The following PLD5 variants were observed in gnomAD, a reference collection of about 807,000 sequenced individuals.
PLD5 encodes phospholipase D family member 5.
Under a neutral mutation model 61.1 loss-of-function variants are expected in PLD5, and 36 were observed. The observed-to-expected ratio is 0.59, with a 90% CI of 0.45 to 0.78. PLD5 has a LOEUF of 0.78. PLD5 is among the 30% of genes least tolerant of loss of function. PLD5 has a pLI of 0.00. For missense variants in PLD5, 515 were observed against 644.4 expected, an observed-to-expected ratio of 0.80 and a Z score of 2.17; for synonymous variants, 243 against 242.8, an observed-to-expected ratio of 1.00 and a Z score of -0.01.
intron 5 of PLD5, among the ~76,000 whole-genome samples, chr1:242,193,934 A>G (rs539738913): frequency 3.3e-5 from 5 of 152,314 alleles, no homozygotes; most frequent in East Asian, 3.9e-4. Context: ...CTGTAAAACT[A>G]TTTCACCTAC....
At chr1:242,213,535 G>C (rs2148990223) in intron 5 of PLD5, among the ~76,000 whole-genome samples, 1 of 152,054 alleles carries the variant, frequency 6.6e-6, no homozygotes, top group East Asian at 1.9e-4. Context: ...GACCTCAAAA[G>C]GTTAAATACT....
chr1:242,162,222 G>A (rs1192740315), intron 5 of PLD5, among the ~76,000 whole-genome samples: 1 of 152,102 alleles, frequency 6.6e-6, no homozygotes, highest in Non-Finnish European at 1.5e-5. Flanking sequence ...CAGGAACACT[G>A]GAAGCAGGAA....
intron 5 of PLD5, among the ~76,000 whole-genome samples, chr1:242,213,101 G>C (rs1213184701): frequency 9.2e-5 from 14 of 152,098 alleles, no homozygotes. Flanking sequence ...CCTTCAGCAG[G>C]GGCTCCCTTC....
At chr1:242,330,733 T>C (rs1406150097) in intron 2 of PLD5, among the ~76,000 whole-genome samples, 1 of 152,226 alleles carries the variant, frequency 6.6e-6, no homozygotes, top group Non-Finnish European at 1.5e-5. Context: ...CTAAACATTC[T>C]GTGGCTATAC....
intron 5 of PLD5, among the ~76,000 whole-genome samples, chr1:242,204,454 C>T (rs1032338515): frequency 6.6e-6 from 1 of 152,070 alleles, no homozygotes; most frequent in Non-Finnish European, 1.5e-5. Context: ...GCGTTGCTGC[C>T]CACCTTGCTG....
At chr1:242,517,180 TTTTCA>T (rs1178507039) in intron 1 of PLD5, among the ~76,000 whole-genome samples, 6 of 152,192 alleles carry the variant, frequency 3.9e-5, no homozygotes, top group Non-Finnish European at 8.8e-5. Flanking sequence ...AATTCTTATA[TTTTCA>T]TTTCTTTTTC....
At chr1:242,386,866 T>G (rs1662631807) in intron 1 of PLD5, among the ~76,000 whole-genome samples, 1 of 152,192 alleles carries the variant, frequency 6.6e-6, no homozygotes, top group African/African-American at 2.4e-5. Context: ...GTCCCTATTT[T>G]TAGGGGAAGT....
At chr1:242,423,036 C>A (rs769539353) in intron 1 of PLD5, among the ~76,000 whole-genome samples, 8 of 151,264 alleles carry the variant, frequency 5.3e-5, no homozygotes, top group Non-Finnish European at 1.2e-4. Flanking sequence ...TTTTTAGTAG[C>A]GACAAAGTCT....
At chr1:242,176,702 T>G (rs1328707139) in intron 5 of PLD5, among the ~76,000 whole-genome samples, 1 of 152,122 alleles carries the variant, frequency 6.6e-6, no homozygotes, top group African/African-American at 2.4e-5. Flanking sequence ...AGGGCTAATA[T>G]CCAGCATCTA....
At chr1:242,503,318 T>C (rs1668617565) in intron 1 of PLD5, among the ~76,000 whole-genome samples, 1 of 152,158 alleles carries the variant, frequency 6.6e-6, no homozygotes, top group Non-Finnish European at 1.5e-5. Context: ...CCATTCACTC[T>C]AGCTGCTGCT....
chr1:242,513,847 G>A (rs1044300168), intron 1 of PLD5, among the ~76,000 whole-genome samples: 5 of 152,182 alleles, frequency 3.3e-5, no homozygotes, highest in Non-Finnish European at 7.3e-5. Flanking sequence ...CTCAATAAAC[G>A]TTTCCTGAAT....
intron 1 of PLD5, among the ~76,000 whole-genome samples, chr1:242,407,091 G>A (rs1664271481): frequency 1.3e-5 from 2 of 152,160 alleles, no homozygotes; most frequent in African/African-American, 4.8e-5. Flanking sequence ...GACCTGGTAG[G>A]AGGTAATTGA....
chr1:242,108,634 AG>A (rs2148689027), intron 7 of PLD5, among the ~76,000 whole-genome samples: 1 of 152,284 alleles, frequency 6.6e-6, no homozygotes, highest in African/African-American at 2.4e-5. Context: ...TAAAACAAAA[AG>A]CTTTCCTGTC....
At chr1:242,241,910 T>TATATATATACAC (rs1210639780) in intron 4 of PLD5, among the ~76,000 whole-genome samples, 1 of 50,402 alleles carries the variant, frequency 2.0e-5, no homozygotes, top group Non-Finnish European at 3.7e-5. Context: ...TATATATATA[T>TATATATATACAC]ACTTACTGTA....
chr1:242,469,160 C>T (rs542539999), intron 1 of PLD5, among the ~76,000 whole-genome samples: 4 of 152,288 alleles, frequency 2.6e-5, no homozygotes, highest in South Asian at 2.1e-4. Context: ...TATGCATCAG[C>T]GTATCTTGAA....
rs113355701 is a variant in PLD5, at chr1:242,487,074, G to C, written c.189+37014C>G. On this transcript the variant is annotated intron_variant, in intron 1 of 9. Transcript: ENST00000536534. Reference sequence around the variant, plus strand: ...CGGGGTCTGTTGTGGGGTGGCAGCAGGGGGGAGGGATAGCATTAGGAGATA... The same window carrying C: ...CGGGGTCTGTTGTGGGGTGGCAGCACGGGGGAGGGATAGCATTAGGAGATA... 3.5e-4 allele frequency among the ~76,000 whole-genome samples: 53 copies of C among 151,356 alleles called. 1 individual carries two copies. The highest frequency in any genetic ancestry group is 1.2e-3 in the African/African-American group (50 of 41,460).
intron 1 of PLD5, among the ~76,000 whole-genome samples, chr1:242,516,177 G>A (rs1359641604): frequency 1.3e-5 from 2 of 150,832 alleles, no homozygotes; most frequent in Non-Finnish European, 2.9e-5. Context: ...TGATTTGTAG[G>A]TGCTCTTTAC....
At chr1:242,344,866 T>C (rs796644498) in intron 2 of PLD5, among the ~76,000 whole-genome samples, 1 of 152,266 alleles carries the variant, frequency 6.6e-6, no homozygotes, top group African/African-American at 2.4e-5. Context: ...AAGGGTATAA[T>C]TGGACTTACA....
chr1:242,152,007 G>C (rs1664963884), intron 5 of PLD5, among the ~76,000 whole-genome samples: 1 of 151,400 alleles, frequency 6.6e-6, no homozygotes, highest in Non-Finnish European at 1.5e-5. Flanking sequence ...CATTCAATAT[G>C]TAGAACTTTT....
Sources: allele counts gnomAD v4.1 joint callset (sites outside exome capture counted in the v4.1 genomes callset), GRCh38; gene constraint gnomAD v4.1.1; transcripts MANE v1.5; gene names NCBI Gene and HGNC (gene_info 2026-07-23, HGNC 2026-07-21).